Variants in SKAP2 observed in about 807,000 individuals in gnomAD.
SKAP2 encodes the protein src kinase associated phosphoprotein 2.
In SKAP2, 28 loss-of-function variants were observed where a neutral mutation model predicts 54.9. The observed-to-expected ratio is 0.51, with a 90% confidence interval of 0.38 to 0.70. The LOEUF (loss-of-function observed/expected upper bound fraction) is 0.70. Ranked by LOEUF, SKAP2 falls within the 30% of genes least tolerant of loss-of-function variation. The probability of loss-of-function intolerance (pLI) is 0.00; values close to 1 mark genes in which losing one functional copy is unlikely to be tolerated. For synonymous variants in SKAP2, 137 were observed against 134.3 expected, an observed-to-expected ratio of 1.02 and a Z score of -0.14; for missense variants, 356 against 424.1, an observed-to-expected ratio of 0.84 and a Z score of 1.41.
intron 11 of SKAP2, among the ~76,000 whole-genome samples, chr7:26,676,842 T>G (rs1242949584): frequency 3.3e-5 from 5 of 152,124 alleles, no homozygotes; most frequent in African/African-American, 4.8e-5. Flanking sequence ...TCTGAGAGAC[T>G]TTACATAGAA....
intron 4 of SKAP2, among the ~76,000 whole-genome samples, chr7:26,777,909 C>A (rs968397846): frequency 5.3e-5 from 8 of 151,518 alleles, no homozygotes; most frequent in Admixed American, 2.0e-4. Context: ...TTTTTTTTAA[C>A]AACTCAACAC....
chr7:26,857,558 C>T, intron 1 of SKAP2: 1 of 985,426 alleles, frequency 1.0e-6, no homozygotes, highest in Non-Finnish European at 1.2e-6. Context: ...ATCCTGATCT[C>T]GCAACGCAAA....
chr7:26,851,574 T>G (rs1785044157), intron 3 of SKAP2, among the ~76,000 whole-genome samples: 1 of 151,434 alleles, frequency 6.6e-6, no homozygotes, highest in African/African-American at 2.4e-5. Flanking sequence ...TGAGGGGTGG[T>G]GGGGGTGGGG....
intron 4 of SKAP2, among the ~76,000 whole-genome samples, chr7:26,757,485 A>T (rs1782820817): frequency 6.6e-6 from 1 of 151,918 alleles, no homozygotes; most frequent in South Asian, 2.1e-4. Context: ...ACGGTTGCAG[A>T]TGTGTGGTAT....
intron 9 of SKAP2, among the ~76,000 whole-genome samples, chr7:26,696,774 T>C (rs1786903627): frequency 6.6e-6 from 1 of 152,130 alleles, no homozygotes; most frequent in South Asian, 2.1e-4. Flanking sequence ...TACTATGACA[T>C]TAAAATTAAT....
chr7:26,849,771 A>C (rs1785001592), intron 3 of SKAP2, among the ~76,000 whole-genome samples: 1 of 151,960 alleles, frequency 6.6e-6, no homozygotes, highest in Non-Finnish European at 1.5e-5. Flanking sequence ...AATGCTAATA[A>C]ATATGCCCTT....
chr7:26,731,957 T>C (rs1038948217), intron 6 of SKAP2, among the ~76,000 whole-genome samples: 1 of 152,208 alleles, frequency 6.6e-6, no homozygotes, highest in Non-Finnish European at 1.5e-5. Flanking sequence ...ACCACTCTCA[T>C]ACCATTTTAA....
intron 11 of SKAP2, among the ~76,000 whole-genome samples, chr7:26,674,933 C>T (rs1423817344): frequency 6.6e-6 from 1 of 152,068 alleles, no homozygotes; most frequent in Non-Finnish European, 1.5e-5. Flanking sequence ...ACTGGTGATT[C>T]GCAGATAATG....
At chr7:26,710,090 T>C (rs1787267312) in intron 9 of SKAP2, among the ~76,000 whole-genome samples, 1 of 152,174 alleles carries the variant, frequency 6.6e-6, no homozygotes, top group Non-Finnish European at 1.5e-5. Context: ...AGAGAAAGTT[T>C]CTCTTAATTT....
At chr7:26,834,694 C>A (rs566617886) in intron 4 of SKAP2, among the ~76,000 whole-genome samples, 48 of 152,138 alleles carry the variant, frequency 3.2e-4, no homozygotes, top group Non-Finnish European at 5.4e-4. Flanking sequence ...GAAATTGAGG[C>A]AGTAATTAAC....
chr7:26,664,895 C>A (rs541709690), downstream of SKAP2, among the ~76,000 whole-genome samples: 1 of 152,120 alleles, frequency 6.6e-6, no homozygotes, highest in Non-Finnish European at 1.5e-5. Context: ...TCTCTCAACA[C>A]TGAAGACCTA....
chr7:26,694,670 A>C (rs952910425), intron 9 of SKAP2, among the ~76,000 whole-genome samples: 3 of 151,864 alleles, frequency 2.0e-5, no homozygotes, highest in African/African-American at 4.8e-5. Context: ...TTAAAAAAAA[A>C]AACAACTGCA....
rs549117505 is a variant in SKAP2 at position 26,674,034 on chromosome 7, G to T, written c.988-3842C>A. 3.3e-5 allele frequency among the ~76,000 whole-genome samples: 5 copies of T among 152,082 alleles called. 1 individual carries two copies. The East Asian group carries it at 7.7e-4, about 23-fold the overall frequency. On this transcript the variant is annotated intron_variant, in intron 11 of 12. Coordinates refer to ENST00000345317, the MANE Select transcript of SKAP2 (RefSeq NM_003930.5). ...TCGAGTATGTTAATCCGCTTTCTGCGAATGATATGGTAAAAGAATGCTGAC... is the reference window on the plus strand; with the variant it reads ...TCGAGTATGTTAATCCGCTTTCTGCTAATGATATGGTAAAAGAATGCTGAC...
chr7:26,675,305 T>C (rs537638224), intron 11 of SKAP2, among the ~76,000 whole-genome samples: 43 of 152,278 alleles, frequency 2.8e-4, no homozygotes, highest in African/African-American at 9.6e-4. Context: ...TACCTCTGTA[T>C]GTAGTGCTTC....
intron 4 of SKAP2, among the ~76,000 whole-genome samples, chr7:26,794,856 AG>A (rs776688426): frequency 5.3e-5 from 8 of 152,086 alleles, no homozygotes; most frequent in Non-Finnish European, 1.2e-4. Flanking sequence ...CTGGACTGCA[AG>A]GAAGGTGGAT....
intron 1 of SKAP2, among the ~76,000 whole-genome samples, chr7:26,862,458 AT>A (rs1442562196): frequency 1.2e-4 from 19 of 152,010 alleles, no homozygotes; most frequent in Non-Finnish European, 4.4e-5. Flanking sequence ...TAATTGTAAT[AT>A]TTTTTAATAC....
intron 4 of SKAP2, among the ~76,000 whole-genome samples, chr7:26,833,243 A>C (rs957644752): frequency 6.6e-6 from 1 of 151,816 alleles, no homozygotes; most frequent in Non-Finnish European, 1.5e-5. Flanking sequence ...AACACAAAAA[A>C]AAATTAGCCA....
intron 1 of SKAP2, among the ~76,000 whole-genome samples, chr7:26,859,946 T>C (rs1270467060): frequency 2.0e-5 from 3 of 152,234 alleles, no homozygotes; most frequent in African/African-American, 7.2e-5. Context: ...TTATCACCCA[T>C]ATATGACACT....
At chr7:26,827,859 C>T (rs1432389893) in intron 4 of SKAP2, among the ~76,000 whole-genome samples, 2 of 152,090 alleles carry the variant, frequency 1.3e-5, no homozygotes, top group African/African-American at 4.8e-5. Flanking sequence ...AAATCAGGAC[C>T]AGTCTTTAGG....
Sources: allele counts gnomAD v4.1 joint callset (sites outside exome capture counted in the v4.1 genomes callset), GRCh38; gene constraint gnomAD v4.1.1; transcripts MANE v1.5; gene names NCBI Gene and HGNC (gene_info 2026-07-23, HGNC 2026-07-21).